The following NAV2 variants were observed in gnomAD, a reference collection of about 807,000 sequenced individuals.
NAV2 encodes neuron navigator 2.
A neutral mutation model predicts 223.2 loss-of-function variants in NAV2; 54 were observed. The observed-to-expected ratio is 0.24, with a 90% CI of 0.19 to 0.30. The LOEUF is 0.30. Ranked by LOEUF, NAV2 falls within the 10% of genes least tolerant of loss-of-function variation. NAV2 has a pLI of 1.00. For synonymous variants in NAV2, 1,279 were observed against 1,239.3 expected (o/e 1.03, Z -0.67); for missense variants, 2,806 against 3,147.5 (o/e 0.89, Z 2.60).
intron 1 of NAV2, among the ~76,000 whole-genome samples, chr11:19,460,580 A>T (rs936354275): frequency 2.8e-5 from 4 of 144,656 alleles, no homozygotes; most frequent in African/African-American, 1.0e-4. Context: ...GTTCTCACTC[A>T]TAGGTGGGAA....
At chr11:19,399,232 A>G (rs1323347976) in intron 1 of NAV2, among the ~76,000 whole-genome samples, 1 of 152,106 alleles carries the variant, frequency 6.6e-6, no homozygotes, top group Admixed American at 6.5e-5. Flanking sequence ...TGAATTTTGC[A>G]AGAAAAAAAT....
intron 36 of NAV2, among the ~76,000 whole-genome samples, chr11:20,111,520 T>C (rs2062636689): frequency 1.3e-5 from 2 of 152,374 alleles, no homozygotes; most frequent in South Asian, 4.1e-4. Flanking sequence ...TTGCAGATGA[T>C]GTTAACATGT....
intron 11 of NAV2, among the ~76,000 whole-genome samples, chr11:20,008,365 A>G (rs2053266803): frequency 6.6e-6 from 1 of 152,176 alleles, no homozygotes; most frequent in Admixed American, 6.5e-5. Context: ...CAAAAAAAAA[A>G]GTTTAAATCA....
At chr11:20,100,205 A>T (rs935047319) in intron 31 of NAV2, among the ~76,000 whole-genome samples, 3 of 152,184 alleles carry the variant, frequency 2.0e-5, no homozygotes, top group Admixed American at 6.5e-5. Context: ...TATCCAAAAG[A>T]TACCCCTTTT....
chr11:19,775,253 T>C (rs2056068710), intron 1 of NAV2, among the ~76,000 whole-genome samples: 1 of 152,230 alleles, frequency 6.6e-6, no homozygotes, highest in South Asian at 2.1e-4. Context: ...TCTGATATGT[T>C]GTCCTAGCCT....
At chr11:20,085,799 A>G (rs2060398085) in intron 26 of NAV2, among the ~76,000 whole-genome samples, 1 of 152,210 alleles carries the variant, frequency 6.6e-6, no homozygotes, top group Non-Finnish European at 1.5e-5. Flanking sequence ...TGGAGAGTGC[A>G]GAGGAACCTG....
At chr11:19,578,244 T>C (rs1039685217) in intron 1 of NAV2, among the ~76,000 whole-genome samples, 3 of 152,252 alleles carry the variant, frequency 2.0e-5, no homozygotes, top group Non-Finnish European at 4.4e-5. Context: ...TTTTCATAAA[T>C]TAACGCTGCG....
chr11:19,383,935 A>C (rs570054410), intron 1 of NAV2, among the ~76,000 whole-genome samples: 1 of 152,224 alleles, frequency 6.6e-6, no homozygotes, highest in Non-Finnish European at 1.5e-5. Flanking sequence ...TAGCTCTTAA[A>C]ATGTTTATCC....
At chr11:19,611,110 AAG>A (rs1753677966) in intron 1 of NAV2, among the ~76,000 whole-genome samples, 1 of 152,036 alleles carries the variant, frequency 6.6e-6, no homozygotes, top group South Asian at 2.1e-4. Flanking sequence ...TGGTGGCAGC[AAG>A]AGAGAATGAG....
At chr11:19,521,424 A>G (rs1263815349) in intron 1 of NAV2, among the ~76,000 whole-genome samples, 2 of 152,184 alleles carry the variant, frequency 1.3e-5, no homozygotes, top group African/African-American at 4.8e-5. Flanking sequence ...CTGGCTCTCT[A>G]AGTGATGGGA....
intron 1 of NAV2, among the ~76,000 whole-genome samples, chr11:19,403,409 A>C (rs1849766444): frequency 6.6e-6 from 1 of 152,210 alleles, no homozygotes; most frequent in Non-Finnish European, 1.5e-5. Context: ...TCTGGGTTCA[A>C]GGTAGGAAGA....
At chr11:19,558,993 C>T (rs1371166988) in intron 1 of NAV2, among the ~76,000 whole-genome samples, 1 of 152,184 alleles carries the variant, frequency 6.6e-6, no homozygotes, top group Non-Finnish European at 1.5e-5. Flanking sequence ...GGAGCTGGCA[C>T]AGCAGTCACT....
intron 8 of NAV2, among the ~76,000 whole-genome samples, chr11:19,943,152 T>C (rs930182912): frequency 1.3e-5 from 2 of 152,188 alleles, no homozygotes; most frequent in South Asian, 2.1e-4. Context: ...ATAATCAATA[T>C]TTTCTAAAGG....
In NAV2 at chr11:20,097,626, A is replaced by G; in HGVS notation, c.6062A>G (p.Asp2021Gly). The G allele has an allele frequency of 1.9e-6, 3 of 1,613,028 alleles. No homozygotes were observed. Among genetic ancestry groups the G allele is most frequent in the Non-Finnish European group, 1.7e-6 (2 of 1,179,776 alleles). Residue 2021 changes from aspartate to glycine, a missense_variant, in exon 31 of 38, where the codon GAC (aspartate) becomes GGC (glycine). By Grantham distance (94) the Asp-to-Gly change is moderately conservative (BLOSUM62 -1). Coordinates refer to ENST00000349880, the MANE Select transcript of NAV2 (RefSeq NM_145117.5). Reference sequence around the variant, plus strand: ...GTGAGTCAGCTAGGGCTGAATTCAGACAGCGTTCTTGGCTACAGCATTGGA... The same window carrying G: ...GTGAGTCAGCTAGGGCTGAATTCAGGCAGCGTTCTTGGCTACAGCATTGGA... Reference protein sequence around the residue: ...DPVSQLGLNSDSVLGYSIGEI... With the variant: ...DPVSQLGLNSGSVLGYSIGEI...
intron 37 of NAV2, among the ~76,000 whole-genome samples, chr11:20,115,810 G>A (rs190810496): frequency 3.9e-4 from 59 of 152,250 alleles, no homozygotes; most frequent in African/African-American, 1.4e-3. Flanking sequence ...CTACTCAGGA[G>A]GCTGAGGTGG....
chr11:20,069,394 C>T (rs1174326436), intron 22 of NAV2, among the ~76,000 whole-genome samples: 1 of 152,118 alleles, frequency 6.6e-6, no homozygotes, highest in Non-Finnish European at 1.5e-5. Flanking sequence ...ATCACAGTGT[C>T]TGAGCTGTTG....
intron 26 of NAV2, among the ~76,000 whole-genome samples, chr11:20,088,413 C>T (rs2060597344): frequency 6.6e-6 from 1 of 152,180 alleles, no homozygotes; most frequent in East Asian, 1.9e-4. Context: ...TCTCGAACTC[C>T]CCACCTCAGA....
intron 1 of NAV2, among the ~76,000 whole-genome samples, chr11:19,774,502 T>C (rs1276615831): frequency 6.6e-6 from 1 of 152,214 alleles, no homozygotes. Context: ...GACCCAGCTG[T>C]ACACTATACA....
rs60421659 is a variant in NAV2 at position 20,053,218 on chromosome 11, G to GAAA, written c.4482-839_4482-837dup. Among the ~76,000 whole-genome samples the GAAA allele has an allele frequency of 2.0e-4, 8 of 40,966 alleles. 1 individual carries two copies. Among genetic ancestry groups the GAAA allele is most frequent in the Non-Finnish European group, 2.4e-4 (6 of 24,670 alleles). The allele number at this position is 40,966 out of a possible 152,430, so 26.9% of individuals were successfully genotyped here. A position where few individuals can be genotyped will look rare whatever the true frequency, so the allele number is the denominator to read the frequency against. On this transcript the variant is annotated intron_variant, in intron 17 of 37. Transcript: ENST00000349880. ...GGGCAGTAGAGCAAGACTACGTCTC[G>GAAA]AAAAAAAAAAAAAAAAAAAAAAAAA...
Sources: allele counts gnomAD v4.1 joint callset (sites outside exome capture counted in the v4.1 genomes callset), GRCh38; gene constraint gnomAD v4.1.1; transcripts MANE v1.5; gene names NCBI Gene and HGNC (gene_info 2026-07-23, HGNC 2026-07-21).